Variants in NEGR1 observed in about 807,000 individuals in gnomAD.
The protein encoded by NEGR1 is IgLON family member 4.
NEGR1 carries 10 observed loss-of-function variants against 40.9 expected under a neutral mutation model. The ratio of observed to expected loss-of-function variants is 0.24; its 90% CI spans 0.15 to 0.42. The LOEUF (loss-of-function observed/expected upper bound fraction) is 0.42, where lower values mean the gene tolerates loss of function less well. Among genes scored for constraint, NEGR1 ranks in the 10% least tolerant of loss-of-function variants. The probability of loss-of-function intolerance (pLI) is 1.00; values close to 1 mark genes in which losing one functional copy is unlikely to be tolerated. For synonymous variants in NEGR1, 185 were observed against 166.8 expected (o/e 1.11, Z -0.84); for missense variants, 352 against 438.9 (o/e 0.80, Z 1.77).
At chr1:72,045,199 T>C (rs1646990147) in intron 1 of NEGR1, among the ~76,000 whole-genome samples, 2 of 151,862 alleles carry the variant, frequency 1.3e-5, no homozygotes, top group African/African-American at 4.8e-5. Context: ...TCTTCAGTGT[T>C]TGAAAGTAAA....
intron 1 of NEGR1, among the ~76,000 whole-genome samples, chr1:72,190,978 G>T (rs1239744629): frequency 2.6e-5 from 4 of 151,146 alleles, no homozygotes; most frequent in Non-Finnish European, 5.9e-5. Flanking sequence ...TCATTTTGCT[G>T]GTTTTTGACA....
intron 6 of NEGR1, among the ~76,000 whole-genome samples, chr1:71,497,670 GCA>G (rs146501488): frequency 0.022 from 3,338 of 152,028 alleles, 60 homozygotes; most frequent in African/African-American, 0.034. Context: ...ATGAAAAAAT[GCA>G]CAGTTGCAAA....
At chr1:71,544,184 C>A (rs1010817948) in intron 6 of NEGR1, among the ~76,000 whole-genome samples, 1 of 151,554 alleles carries the variant, frequency 6.6e-6, no homozygotes, top group Non-Finnish European at 1.5e-5. Context: ...TAGGTGATAT[C>A]TGTTTAATGT....
At chr1:72,041,076 C>T (rs1300216386) in intron 1 of NEGR1, among the ~76,000 whole-genome samples, 2 of 151,920 alleles carry the variant, frequency 1.3e-5, no homozygotes, top group African/African-American at 4.8e-5. Flanking sequence ...ATCAATTTCC[C>T]TATAGACAAA....
At chr1:71,998,654 C>G (rs1333577784) in intron 1 of NEGR1, among the ~76,000 whole-genome samples, 4 of 151,768 alleles carry the variant, frequency 2.6e-5, no homozygotes, top group Non-Finnish European at 1.5e-5. Flanking sequence ...ATAACCTCCA[C>G]ATTTTCATTC....
chr1:71,558,702 C>A (rs573888454), intron 6 of NEGR1, among the ~76,000 whole-genome samples: 101 of 149,044 alleles, frequency 6.8e-4, no homozygotes, highest in Non-Finnish European at 8.5e-4. Context: ...CTGACATGCA[C>A]CTCATCCTTT....
At chr1:72,018,681 G>A (rs1202321266) in intron 1 of NEGR1, among the ~76,000 whole-genome samples, 3 of 152,102 alleles carry the variant, frequency 2.0e-5, no homozygotes, top group African/African-American at 7.2e-5. Flanking sequence ...AACTGGCAGC[G>A]GCTGAAAGAA....
chr1:71,783,657 A>G (rs1046010807), intron 2 of NEGR1, among the ~76,000 whole-genome samples: 1 of 152,240 alleles, frequency 6.6e-6, no homozygotes, highest in African/African-American at 2.4e-5. Flanking sequence ...AAGAATCCGT[A>G]TAAGAAAAAC....
intron 6 of NEGR1, among the ~76,000 whole-genome samples, chr1:71,544,929 C>T (rs1647837699): frequency 1.3e-5 from 2 of 151,700 alleles, no homozygotes; most frequent in South Asian, 4.1e-4. Flanking sequence ...GCTCTTTCCT[C>T]CCCTAAAACT....
chr1:71,687,727 C>T (rs192977463), intron 4 of NEGR1, among the ~76,000 whole-genome samples: 2 of 152,324 alleles, frequency 1.3e-5, no homozygotes, highest in African/African-American at 4.8e-5. Context: ...CAGTGATCCT[C>T]TCTTCTCATC....
chr1:71,672,321 A>G (rs868122249), intron 4 of NEGR1, among the ~76,000 whole-genome samples: 1 of 152,214 alleles, frequency 6.6e-6, no homozygotes, highest in Non-Finnish European at 1.5e-5. Flanking sequence ...ATTAAAAATT[A>G]AAACATGTGA....
intron 5 of NEGR1, among the ~76,000 whole-genome samples, chr1:71,610,078 G>A (rs1275128127): frequency 6.6e-6 from 1 of 152,200 alleles, no homozygotes; most frequent in Non-Finnish European, 1.5e-5. Context: ...GGAACTGTGA[G>A]TCAATTAAAC....
chr1:71,618,098 T>A (rs1650500727), intron 4 of NEGR1, among the ~76,000 whole-genome samples: 1 of 152,108 alleles, frequency 6.6e-6, no homozygotes. Context: ...AACACTGGGA[T>A]TTTTGACATG....
intron 1 of NEGR1, among the ~76,000 whole-genome samples, chr1:72,263,870 A>G (rs1337725818): frequency 6.6e-6 from 1 of 151,452 alleles, no homozygotes; most frequent in African/African-American, 2.4e-5. Context: ...TTAATTTTCA[A>G]TATATCATAC....
chr1:71,608,663 T>A (rs1318051734), intron 5 of NEGR1, among the ~76,000 whole-genome samples: 1 of 152,166 alleles, frequency 6.6e-6, no homozygotes, highest in African/African-American at 2.4e-5. Flanking sequence ...AATTAAAAAG[T>A]GACTTTGAAA....
At chr1:72,087,233 A>G (rs546125912) in intron 1 of NEGR1, among the ~76,000 whole-genome samples, 22 of 152,256 alleles carry the variant, frequency 1.4e-4, no homozygotes, top group East Asian at 1.4e-3. Flanking sequence ...CCTGACCAAC[A>G]TGGTCAAACC....
chr1:72,062,329 T>G (rs1408649781), intron 1 of NEGR1, among the ~76,000 whole-genome samples: 1 of 151,908 alleles, frequency 6.6e-6, no homozygotes, highest in Non-Finnish European at 1.5e-5. Flanking sequence ...AATTAATCAC[T>G]CCTCATTCTA....
intron 1 of NEGR1, among the ~76,000 whole-genome samples, chr1:72,211,208 C>G (rs1311433192): frequency 6.6e-6 from 1 of 151,572 alleles, no homozygotes; most frequent in African/African-American, 2.4e-5. Context: ...TTGGGTAAAT[C>G]TACTAAAATT....
chr1:71,444,790 G>T (rs373047898), intron 6 of NEGR1, among the ~76,000 whole-genome samples: 47 of 152,228 alleles, frequency 3.1e-4, no homozygotes, highest in African/African-American at 1.1e-3. Context: ...TCAACAAGCA[G>T]TAAGTAGTCA....
Sources: allele counts gnomAD v4.1 joint callset (sites outside exome capture counted in the v4.1 genomes callset), GRCh38; gene constraint gnomAD v4.1.1; transcripts MANE v1.5; gene names NCBI Gene and HGNC (gene_info 2026-07-23, HGNC 2026-07-21).